The following ZNF362 variants were observed in gnomAD, a reference collection of about 807,000 sequenced individuals.
ZNF362 encodes rotund homolog.
In ZNF362, 11 loss-of-function variants were observed where a neutral mutation model predicts 42.9. That is an observed-to-expected ratio of 0.26 (90% CI 0.16 to 0.42). The LOEUF is 0.42. Among genes scored for constraint, ZNF362 ranks in the 20% least tolerant of loss-of-function variants. The pLI is 1.00. For missense variants in ZNF362, 362 were observed against 576.2 expected, an observed-to-expected ratio of 0.63 and a Z score of 3.81; for synonymous variants, 255 against 257.3, an observed-to-expected ratio of 0.99 and a Z score of 0.09.
At chr1:33,220,481 G>A in the ZNF362 span, among the ~76,000 whole-genome samples, 5 of 152,080 alleles carry the variant, frequency 3.3e-5, no homozygotes, top group Non-Finnish European at 7.4e-5. Context: ...AGGGAGTCAG[G>A]GCAGAGCCAT....
chr1:33,251,720 G>A (rs1017357620), upstream of ZNF362, among the ~76,000 whole-genome samples: 3 of 152,042 alleles, frequency 2.0e-5, no homozygotes, highest in Non-Finnish European at 4.4e-5. Context: ...GAACCTTCAC[G>A]TACTGTTCTC....
At chr1:33,142,698 C>CA in the ZNF362 span, 1 of 152,218 alleles carries the variant, frequency 6.6e-6, no homozygotes, top group Admixed American at 6.5e-5. Flanking sequence ...TTTAACCTCC[C>CA]ACTTTAAATC....
chr1:33,156,748 A>G, the ZNF362 span, among the ~76,000 whole-genome samples: 2 of 152,200 alleles, frequency 1.3e-5, no homozygotes, highest in Non-Finnish European at 2.9e-5. Context: ...CCTTTTCAGC[A>G]TCAGTGCTGA....
At chr1:33,289,762 G>A (rs1195288398) in intron 6 of ZNF362, among the ~76,000 whole-genome samples, 3 of 152,232 alleles carry the variant, frequency 2.0e-5, no homozygotes, top group African/African-American at 7.2e-5. Flanking sequence ...GCGCTGGGGT[G>A]ATGGTGGGGA....
intron 6 of ZNF362, among the ~76,000 whole-genome samples, chr1:33,288,747 A>AAAAAAAAAAAAAAAAAAAAAAAAAAAAC (rs1646051446): frequency 7.0e-6 from 1 of 143,768 alleles, no homozygotes; most frequent in Non-Finnish European, 1.5e-5. Flanking sequence ...CTGTCTCAAA[A>AAAAAAAAAAAAAAAAAAAAAAAAAAAAC]AAAAAAAAAA....
chr1:33,231,136 C>T, the ZNF362 span, among the ~76,000 whole-genome samples: 15 of 152,258 alleles, frequency 9.9e-5, no homozygotes, highest in African/African-American at 3.6e-4. Context: ...TTAATTTTCA[C>T]GCAATGCTCT....
the ZNF362 span, among the ~76,000 whole-genome samples, chr1:33,244,598 G>C: frequency 6.6e-6 from 1 of 152,202 alleles, no homozygotes; most frequent in Non-Finnish European, 1.5e-5. This position sits in a 1 kb window ranked among gnomAD's most constrained non-coding sequence, Gnocchi z 4.0. Context: ...CACCCTTTGT[G>C]GGGAGGAGAG....
chr1:33,222,081 C>A, the ZNF362 span, among the ~76,000 whole-genome samples: 3 of 152,276 alleles, frequency 2.0e-5, no homozygotes, highest in African/African-American at 7.2e-5. Flanking sequence ...GTCCATGAGC[C>A]TGTATTTCCC....
the ZNF362 span, among the ~76,000 whole-genome samples, chr1:33,159,312 T>C: frequency 1.3e-5 from 2 of 152,062 alleles, no homozygotes; most frequent in African/African-American, 4.8e-5. This position sits in a 1 kb window ranked among gnomAD's most constrained non-coding sequence, Gnocchi z 4.2. Flanking sequence ...GTAAACACTA[T>C]TAAATGCTAC....
At chr1:33,285,927 G>T (rs1333484592) in intron 6 of ZNF362, among the ~76,000 whole-genome samples, 1 of 152,210 alleles carries the variant, frequency 6.6e-6, no homozygotes, top group African/African-American at 2.4e-5. Context: ...GCCAGGTGTG[G>T]TGGCGGGTGC....
intron 1 of ZNF362, among the ~76,000 whole-genome samples, chr1:33,268,492 G>A (rs1444029187): frequency 6.6e-6 from 1 of 152,236 alleles, no homozygotes; most frequent in African/African-American, 2.4e-5. Context: ...CATGGGGTGA[G>A]AGGGGTTCTG....
the ZNF362 span, among the ~76,000 whole-genome samples, chr1:33,192,108 A>G: frequency 0.01 from 1,554 of 152,310 alleles, 21 homozygotes; most frequent in African/African-American, 0.035. Flanking sequence ...ATGCTGTCAT[A>G]GTGGCTTTCT....
At position 33,294,101 on chromosome 1, in the gene ZNF362, C is replaced by T. The variant is rs1646099368; in HGVS notation, c.909-836C>T. ...CATGATATATTCCAAATACCTAGCA[C>T]AGTGCCTGGGGCATGGGTACCCAAT... On this transcript the variant is annotated intron_variant, in intron 6 of 8. Coordinates refer to ENST00000539719, the MANE Select transcript of ZNF362 (RefSeq NM_152493.3). This position sits in a 1 kb window ranked among gnomAD's most constrained non-coding sequence, Gnocchi z 4.2. Among the ~76,000 whole-genome samples, 1 of 152,218 alleles carries T rather than the reference C, an allele frequency of 6.6e-6. No individual in the cohort carries two copies. The highest frequency in any genetic ancestry group is 1.5e-5 in the Non-Finnish European group (1 of 68,040).
At chr1:33,158,982 A>C in the ZNF362 span, among the ~76,000 whole-genome samples, 2 of 152,040 alleles carry the variant, frequency 1.3e-5, no homozygotes, top group Non-Finnish European at 2.9e-5. Context: ...CTGGGACTAC[A>C]GGTGCCTGCC....
chr1:33,276,521 G>T lies in ZNF362; in HGVS notation c.276G>T (p.Pro92=). The T allele has an allele frequency of 6.5e-7, 1 of 1,549,688 alleles. No individual in the cohort carries two copies. Among genetic ancestry groups the T allele is most frequent in the South Asian group, 1.2e-5 (1 of 84,530 alleles). ...CGCTGCCCAAGCTGCAGCAGGTGCCGGGGCTGCATCCACAGGCGGTGCCGC... is the reference window on the plus strand; with the variant it reads ...CGCTGCCCAAGCTGCAGCAGGTGCCTGGGCTGCATCCACAGGCGGTGCCGC... ...VMSLPKLQQV[P]GLHPQAVPQP... Residue 92 remains proline, a synonymous_variant, in exon 4 of 9, where the codon CCG becomes CCT. Transcript: ENST00000539719.
the ZNF362 span, among the ~76,000 whole-genome samples, chr1:33,193,004 C>CACACACATATATATAT: frequency 5.1e-5 from 7 of 137,202 alleles, no homozygotes; most frequent in Admixed American, 3.7e-4. Context: ...CACACACACA[C>CACACACATATATATAT]ATATATATAT....
chr1:33,177,110 C>T, the ZNF362 span, among the ~76,000 whole-genome samples: 1 of 151,628 alleles, frequency 6.6e-6, no homozygotes, highest in African/African-American at 2.4e-5. The surrounding 1 kb of genome is among the most constrained non-coding windows in gnomAD (Gnocchi z 4.1). Context: ...CATGCACACA[C>T]ACATGCATGT....
the ZNF362 span, among the ~76,000 whole-genome samples, chr1:33,144,214 C>T: frequency 3.3e-5 from 5 of 151,568 alleles, no homozygotes; most frequent in East Asian, 1.9e-4. Context: ...TCCAGCTCAC[C>T]GCAACCTCCG....
At chr1:33,147,786 G>A in the ZNF362 span, 3 of 1,553,676 alleles carry the variant, frequency 1.9e-6, no homozygotes, top group East Asian at 6.8e-5. The surrounding 1 kb of genome is among the most constrained non-coding windows in gnomAD (Gnocchi z 8.1). Flanking sequence ...GACCCACCAT[G>A]CAGTGCCTTC....
Sources: allele counts gnomAD v4.1 joint callset (sites outside exome capture counted in the v4.1 genomes callset), GRCh38; gene constraint gnomAD v4.1.1; non-coding constraint Gnocchi (gnomAD v3.1); transcripts MANE v1.5; gene names NCBI Gene and HGNC (gene_info 2026-07-23, HGNC 2026-07-21).